The following GPC3 variants were observed in gnomAD, a reference collection of about 807,000 sequenced individuals.
The protein encoded by GPC3 is glypican-3.
In GPC3, 3 loss-of-function variants were observed where a neutral mutation model predicts 34.4. That is an observed-to-expected ratio of 0.09 (90% CI 0.04 to 0.23). GPC3 has a LOEUF of 0.23. Among genes scored for constraint, GPC3 ranks in the 10% least tolerant of loss-of-function variants. The pLI, the probability that GPC3 is intolerant of heterozygous loss-of-function variation, is 1.00. For synonymous variants in GPC3, 177 were observed against 174.0 expected (o/e 1.02, Z -0.13); for missense variants, 351 against 445.6 (o/e 0.79, Z 1.91).
chrX:133,736,109 C>A lies in GPC3; in HGVS notation c.1032+17373G>T, dbSNP rs921969247. On this transcript the variant is annotated intron_variant, in intron 3 of 7. Transcript: ENST00000370818. ...GACGTTTTACCAAAAAAGATCTGGC[C>A]AATAAGCACATGAAAATCACCCAAC... Among the ~76,000 whole-genome samples, 5 of 111,274 alleles carry A rather than the reference C, an allele frequency of 4.5e-5. No homozygotes were observed. The East Asian group carries it at 1.4e-3, about 31-fold the overall frequency.
intron 6 of GPC3, among the ~76,000 whole-genome samples, chrX:133,602,808 T>C (rs1373747112): frequency 9.0e-6 from 1 of 111,396 alleles, no homozygotes; most frequent in African/African-American, 3.3e-5. Context: ...ATATGTACAA[T>C]TATGTGTCAA....
At chrX:133,834,718 A>G in intron 2 of GPC3, among the ~76,000 whole-genome samples, 1 of 112,233 alleles carries the variant, frequency 8.9e-6, no homozygotes, top group Non-Finnish European at 1.9e-5. Context: ...CTGAATTATG[A>G]TTTAATATTA....
chrX:133,748,112 C>T (rs1449543475), intron 3 of GPC3, among the ~76,000 whole-genome samples: 1 of 112,225 alleles, frequency 8.9e-6, no homozygotes, highest in Non-Finnish European at 1.9e-5. Context: ...GAGGGATAAA[C>T]ATCCAACATG....
At position 133,861,134 on chromosome X, in the gene GPC3, T is replaced by C. The variant is rs184842431; in HGVS notation, c.337+91916A>G. Among the ~76,000 whole-genome samples the C allele has an allele frequency of 6.2e-4, 69 of 111,298 alleles. 1 individual carries two copies. The East Asian group carries it at 0.018, about 29-fold the overall frequency. ...GAATTGAATATCCATTTTAACCCAA[T>C]TGGGAAGGTGCATTATCAGCATACG... On this transcript the variant is annotated intron_variant, in intron 2 of 7. Coordinates refer to ENST00000370818, the MANE Select transcript of GPC3 (RefSeq NM_004484.4).
intron 7 of GPC3, among the ~76,000 whole-genome samples, chrX:133,571,634 T>C (rs1245181285): frequency 8.9e-6 from 1 of 112,027 alleles, no homozygotes; most frequent in African/African-American, 3.2e-5. Flanking sequence ...ATGGCTTCAG[T>C]GACAGTCTAA....
At chrX:133,557,210 C>T (rs1177754132) in intron 7 of GPC3, among the ~76,000 whole-genome samples, 2 of 110,882 alleles carry the variant, frequency 1.8e-5, no homozygotes, top group South Asian at 3.9e-4. Context: ...AGGAGAATGG[C>T]GTGAACCTGG....
intron 5 of GPC3, among the ~76,000 whole-genome samples, chrX:133,682,164 G>A (rs908399079): frequency 3.6e-5 from 4 of 111,373 alleles, no homozygotes; most frequent in Non-Finnish European, 7.5e-5. Context: ...CAGGAGGATC[G>A]CTTAAACCCA....
chrX:133,808,077 A>G (rs1313572858), intron 2 of GPC3, among the ~76,000 whole-genome samples: 1 of 112,628 alleles, frequency 8.9e-6, no homozygotes, highest in East Asian at 2.8e-4. Context: ...CAACGCTGTT[A>G]ACAATACTGG....
intron 3 of GPC3, among the ~76,000 whole-genome samples, chrX:133,742,889 C>T (rs931453742): frequency 1.3e-4 from 14 of 111,758 alleles, no homozygotes; most frequent in African/African-American, 3.3e-4. Flanking sequence ...CTGAGTGGAA[C>T]GAAAAAGGGA....
At chrX:133,867,436 T>G (rs1348262585) in intron 2 of GPC3, among the ~76,000 whole-genome samples, 1 of 110,309 alleles carries the variant, frequency 9.1e-6, no homozygotes, top group Non-Finnish European at 1.9e-5. Context: ...GAAAGACACA[T>G]GAACAAGTCA....
chrX:133,960,788 C>A (rs1325236452), intron 1 of GPC3, among the ~76,000 whole-genome samples: 2 of 110,515 alleles, frequency 1.8e-5, no homozygotes, highest in Admixed American at 9.7e-5. Flanking sequence ...AATGATATCC[C>A]AAACTGGTTG....
intron 7 of GPC3, among the ~76,000 whole-genome samples, chrX:133,551,125 C>T (rs759911366): frequency 2.0e-5 from 2 of 100,429 alleles, no homozygotes; most frequent in Non-Finnish European, 4.1e-5. Context: ...CACAATCTGC[C>T]CCCCCCCACC....
chrX:133,562,825 T>C (rs2069550909), intron 7 of GPC3, among the ~76,000 whole-genome samples: 1 of 110,642 alleles, frequency 9.0e-6, no homozygotes, highest in Non-Finnish European at 1.9e-5. Context: ...AGTGTTAGGA[T>C]CTGGAGGGAC....
chrX:133,565,461 G>T (rs1417857565), intron 7 of GPC3, among the ~76,000 whole-genome samples: 2 of 111,998 alleles, frequency 1.8e-5, no homozygotes, highest in Admixed American at 9.5e-5. Flanking sequence ...TTCTCACTGT[G>T]CCTAACACTG....
intron 2 of GPC3, among the ~76,000 whole-genome samples, chrX:133,772,279 C>T (rs960971276): frequency 1.8e-5 from 2 of 111,287 alleles, no homozygotes; most frequent in African/African-American, 6.5e-5. Context: ...AATCAGTTTT[C>T]TCAAAATGAG....
At chrX:133,929,255 T>C (rs1037764213) in intron 2 of GPC3, among the ~76,000 whole-genome samples, 1 of 112,309 alleles carries the variant, frequency 8.9e-6, no homozygotes, top group African/African-American at 3.2e-5. Flanking sequence ...GTTGACCACA[T>C]ATGTTTGGGT....
At chrX:133,777,920 C>G (rs1180054528) in intron 2 of GPC3, among the ~76,000 whole-genome samples, 2 of 112,094 alleles carry the variant, frequency 1.8e-5, no homozygotes, top group Non-Finnish European at 3.8e-5. Flanking sequence ...GAGCCCCGGT[C>G]TTTTGTTCTT....
intron 2 of GPC3, among the ~76,000 whole-genome samples, chrX:133,812,060 C>A (rs1263559258): frequency 8.9e-6 from 1 of 111,827 alleles, no homozygotes; most frequent in Non-Finnish European, 1.9e-5. Context: ...ATTGTGAAGA[C>A]CCAAAGACAT....
intron 2 of GPC3, among the ~76,000 whole-genome samples, chrX:133,830,609 C>T (rs577479541): frequency 8.7e-4 from 81 of 93,424 alleles, no homozygotes; most frequent in African/African-American, 3.0e-3. Flanking sequence ...ACCTGGGAGA[C>T]GGAGGTTACA....
Sources: gnomAD v4.1 joint callset for allele counts (sites outside exome capture counted in the v4.1 genomes callset) on GRCh38, gnomAD v4.1.1 for gene constraint, MANE v1.5 for transcripts, NCBI Gene and HGNC (gene_info 2026-07-23, HGNC 2026-07-21) for gene names.